DLGAP1: variants seen among roughly 807,000 people sequenced by gnomAD.
DLGAP1 encodes disks large-associated protein 1.
DLGAP1 carries 11 observed loss-of-function variants against 90.8 expected under a neutral mutation model. The ratio of observed to expected loss-of-function variants is 0.12; its 90% CI spans 0.08 to 0.20. The LOEUF is 0.20. Among genes scored for constraint, DLGAP1 ranks in the 10% least tolerant of loss-of-function variants. The pLI, the probability that DLGAP1 is intolerant of heterozygous loss-of-function variation, is 1.00. For missense variants in DLGAP1, 1,050 were observed against 1,333.8 expected, an observed-to-expected ratio of 0.79 and a Z score of 3.31; for synonymous variants, 558 against 540.7, an observed-to-expected ratio of 1.03 and a Z score of -0.44.
At chr18:3,832,180 G>A (rs1253939063) in intron 4 of DLGAP1, among the ~76,000 whole-genome samples, 3 of 152,160 alleles carry the variant, frequency 2.0e-5, no homozygotes, top group Non-Finnish European at 4.4e-5. Flanking sequence ...ACATTGACTG[G>A]AATTCAGTCT....
chr18:4,328,101 C>G (rs908852784), intron 1 of DLGAP1, among the ~76,000 whole-genome samples: 1 of 150,266 alleles, frequency 6.7e-6, no homozygotes, highest in South Asian at 2.1e-4. Context: ...CCCTTTCTTT[C>G]CTCCCCGCTT....
At chr18:4,189,904 C>T (rs2077365037) in intron 1 of DLGAP1, among the ~76,000 whole-genome samples, 1 of 152,060 alleles carries the variant, frequency 6.6e-6, no homozygotes, top group Non-Finnish European at 1.5e-5. Context: ...AATCTAGACA[C>T]AGACCTTAGA....
chr18:4,095,442 A>T (rs1024904782), intron 2 of DLGAP1, among the ~76,000 whole-genome samples: 5 of 152,068 alleles, frequency 3.3e-5, no homozygotes, highest in African/African-American at 1.2e-4. Context: ...AGTTCTAGTG[A>T]TCTGGAAACA....
intron 7 of DLGAP1, chr18:3,656,201 G>A: frequency 1.7e-6 from 2 of 1,160,534 alleles, no homozygotes; most frequent in Non-Finnish European, 2.4e-6. Flanking sequence ...CTTCAGATTT[G>A]GATTTTTCTT....
intron 9 of DLGAP1, among the ~76,000 whole-genome samples, chr18:3,537,135 T>C (rs2052425943): frequency 6.6e-6 from 1 of 152,216 alleles, no homozygotes; most frequent in African/African-American, 2.4e-5. Context: ...TTATTAAATG[T>C]ACAGTTCAAT....
At chr18:4,356,643 C>T (rs963761640) in intron 1 of DLGAP1, among the ~76,000 whole-genome samples, 4 of 152,176 alleles carry the variant, frequency 2.6e-5, no homozygotes, top group African/African-American at 7.2e-5. Flanking sequence ...TTCTTGCCCA[C>T]TATTATCTCT....
intron 1 of DLGAP1, among the ~76,000 whole-genome samples, chr18:4,451,105 T>C (rs777679938): frequency 3.9e-5 from 6 of 152,178 alleles, no homozygotes; most frequent in Admixed American, 6.5e-5. Context: ...AAGTCAATAA[T>C]GGATGAAGAT....
At chr18:4,203,776 T>C (rs1157861656) in intron 1 of DLGAP1, among the ~76,000 whole-genome samples, 1 of 152,130 alleles carries the variant, frequency 6.6e-6, no homozygotes, top group African/African-American at 2.4e-5. Flanking sequence ...CATAGGTCAG[T>C]GGAAATGCAG....
chr18:4,259,674 T>G (rs2078965941), intron 1 of DLGAP1, among the ~76,000 whole-genome samples: 1 of 152,216 alleles, frequency 6.6e-6, no homozygotes, highest in South Asian at 2.1e-4. Flanking sequence ...ACCAATGCCA[T>G]TACATAGTGT....
intron 2 of DLGAP1, among the ~76,000 whole-genome samples, chr18:4,062,960 C>A (rs1310936557): frequency 1.3e-5 from 2 of 152,126 alleles, no homozygotes; most frequent in South Asian, 2.1e-4. Flanking sequence ...TTAAAGATTT[C>A]ATTGCTTCTA....
chr18:3,699,317 G>T (rs2061199737), intron 7 of DLGAP1, among the ~76,000 whole-genome samples: 1 of 152,182 alleles, frequency 6.6e-6, no homozygotes, highest in Non-Finnish European at 1.5e-5. Context: ...GTGACTTTCA[G>T]ATGGGGTTTT....
At chr18:3,700,675 T>C (rs1383995166) in intron 7 of DLGAP1, among the ~76,000 whole-genome samples, 1 of 152,174 alleles carries the variant, frequency 6.6e-6, no homozygotes, top group East Asian at 1.9e-4. Context: ...AGTGGTGTGA[T>C]CTCAGCTCAC....
intron 7 of DLGAP1, among the ~76,000 whole-genome samples, chr18:3,670,804 T>G (rs2060061021): frequency 6.6e-6 from 1 of 152,230 alleles, no homozygotes; most frequent in African/African-American, 2.4e-5. Flanking sequence ...AAAACCTGCT[T>G]TCTTTGGTTG....
At chr18:4,361,569 G>A (rs918680860) in intron 1 of DLGAP1, among the ~76,000 whole-genome samples, 9 of 152,134 alleles carry the variant, frequency 5.9e-5, no homozygotes, top group Admixed American at 5.9e-4. Flanking sequence ...AAATGAAAGT[G>A]TACCCTCACC....
intron 1 of DLGAP1, among the ~76,000 whole-genome samples, chr18:4,255,706 T>C (rs530104245): frequency 1.3e-5 from 2 of 151,996 alleles, no homozygotes; most frequent in African/African-American, 4.8e-5. Context: ...GGTCTAACAC[T>C]GAAGCCAGGA....
At chr18:3,676,262 C>T (rs1256803471) in intron 7 of DLGAP1, among the ~76,000 whole-genome samples, 7 of 152,190 alleles carry the variant, frequency 4.6e-5, no homozygotes, top group Admixed American at 6.5e-5. Context: ...CTTCCCTGCT[C>T]GCTATGTAAA....
chr18:3,986,168 T>A (rs2149040462), intron 3 of DLGAP1: 2 of 152,306 alleles, frequency 1.3e-5, no homozygotes, highest in East Asian at 3.9e-4. Flanking sequence ...TTTTTTTCCT[T>A]CTGTCACCAT....
At chr18:4,380,698 A>G (rs988833134) in intron 1 of DLGAP1, among the ~76,000 whole-genome samples, 1 of 152,202 alleles carries the variant, frequency 6.6e-6, no homozygotes, top group African/African-American at 2.4e-5. Flanking sequence ...TGGCTTTGCC[A>G]TATCATTAAT....
At chr18:4,089,825 C>T (rs1034260497) in intron 2 of DLGAP1, among the ~76,000 whole-genome samples, 1 of 152,156 alleles carries the variant, frequency 6.6e-6, no homozygotes, top group African/African-American at 2.4e-5. Context: ...GCGGGCGGAT[C>T]ACGAGGTCAG....
Sources: gnomAD v4.1 joint callset for allele counts (sites outside exome capture counted in the v4.1 genomes callset) on GRCh38, gnomAD v4.1.1 for gene constraint, MANE v1.5 for transcripts, NCBI Gene and HGNC (gene_info 2026-07-23, HGNC 2026-07-21) for gene names.